The following PROSER3 variants were observed in gnomAD, a reference collection of about 807,000 sequenced individuals.
The protein encoded by PROSER3 is proline and serine-rich protein 3.
PROSER3 carries 33 observed loss-of-function variants against 50.2 expected under a neutral mutation model. The observed-to-expected ratio is 0.66, with a 90% confidence interval of 0.50 to 0.88. The LOEUF (loss-of-function observed/expected upper bound fraction) is 0.88. Ranked by LOEUF, PROSER3 falls within the 40% of genes least tolerant of loss-of-function variation. PROSER3 has a pLI of 0.00. For synonymous variants in PROSER3, 266 were observed against 259.3 expected (o/e 1.03, Z -0.25); for missense variants, 623 against 612.7 (o/e 1.02, Z -0.18).
At chr19:35,759,085 A>C in intron 1 of PROSER3, 2 of 326,968 alleles carry the variant, frequency 6.1e-6, no homozygotes, top group Non-Finnish European at 1.1e-5. Flanking sequence ...TGGAATGGGA[A>C]CCGCGCGCCT....
chr19:35,763,788 G>A (rs899809733), intron 5 of PROSER3, among the ~76,000 whole-genome samples: 8 of 148,460 alleles, frequency 5.4e-5, no homozygotes, highest in African/African-American at 1.5e-4. Flanking sequence ...TTACAGGCAT[G>A]AGCCACCGCG....
exon 7 of PROSER3, chr19:35,765,098 A>G (rs752267918): frequency 1.2e-6 from 2 of 1,612,096 alleles, no homozygotes; most frequent in African/African-American, 1.3e-5. Flanking sequence ...CTCATTCCCC[A>G]CCAGCTCTGA....
At chr19:35,765,200 G>T in intron 7 of PROSER3, 24 bp downstream of exon 7, 22 of 1,608,748 alleles carry the variant, frequency 1.4e-5, no homozygotes, top group Non-Finnish European at 1.8e-5. Context: ...GGCAAAGACT[G>T]AGGGCAGCCT....
At chr19:35,763,387 G>C (rs1336634993) in intron 5 of PROSER3, among the ~76,000 whole-genome samples, 7 of 150,976 alleles carry the variant, frequency 4.6e-5, no homozygotes, top group Admixed American at 6.6e-5. Flanking sequence ...TATTTTTTTA[G>C]TAGAGATGGG....
At chr19:35,765,868 C>G (rs2146612366) in intron 7 of PROSER3, among the ~76,000 whole-genome samples, 1 of 152,132 alleles carries the variant, frequency 6.6e-6, no homozygotes, top group South Asian at 2.1e-4. Context: ...AATAGGGAAG[C>G]CAGGGAAGGT....
exon 1 of PROSER3, chr19:35,758,176 G>A (rs1970828414): frequency 7.7e-6 from 12 of 1,552,450 alleles, no homozygotes; most frequent in Non-Finnish European, 1.0e-5. Flanking sequence ...CCTGTTGGGT[G>A]AAGGAGCAGA....
chr19:35,762,217 C>A, intron 4 of PROSER3, 36 bp from the exon 5 acceptor site: 1 of 1,599,670 alleles, frequency 6.3e-7, no homozygotes. Context: ...AGCAGCCACT[C>A]CTCCTGGCCC....
exon 9 of PROSER3, chr19:35,768,011 G>A: frequency 6.3e-7 from 1 of 1,586,948 alleles, no homozygotes; most frequent in Non-Finnish European, 8.6e-7. Flanking sequence ...TGCTGACCAC[G>A]CCCCCTCGGA....
At chr19:35,767,738 G>T in intron 8 of PROSER3, 1 of 1,547,960 alleles carries the variant, frequency 6.5e-7, no homozygotes, top group Admixed American at 1.9e-5. Flanking sequence ...ATCTCCGAAA[G>T]TCCAGGCCAC....
intron 7 of PROSER3, 125 bp downstream of exon 7, chr19:35,765,301 C>T: frequency 2.4e-6 from 3 of 1,243,540 alleles, no homozygotes; most frequent in Non-Finnish European, 3.3e-6. Context: ...GGGATAAGGC[C>T]AGATGAGGTG....
chr19:35,760,095 T>C (rs1309446666), intron 3 of PROSER3, 104 bp downstream of exon 3: 1 of 1,233,156 alleles, frequency 8.1e-7, no homozygotes, highest in Non-Finnish European at 1.1e-6. Flanking sequence ...GCAGCACTCT[T>C]TTAGGACCAG....
chr19:35,765,866 A>C lies in PROSER3; in HGVS notation c.769+690A>C, dbSNP rs143234235. 3.4e-3 allele frequency among the ~76,000 whole-genome samples: 513 copies of C among 152,270 alleles called. 8 individuals are homozygous for C. Among genetic ancestry groups the C allele is most frequent in the African/African-American group, 0.012 (496 of 41,558 alleles). On this transcript the variant is annotated intron_variant, in intron 7 of 10. Coordinates refer to ENST00000396908, the Ensembl canonical transcript of PROSER3. ...TGGTTGTTGCAGTTTTGAATAGGGA[A>C]GCCAGGGAAGGTGACCAAGATCTGA...
intron 3 of PROSER3, 42 bp from the exon 4 acceptor site, chr19:35,761,977 C>A: frequency 1.3e-6 from 2 of 1,535,042 alleles, no homozygotes; most frequent in South Asian, 1.3e-5. Context: ...TATTATTTGG[C>A]TCTCCTCACT....
intron 1 of PROSER3, chr19:35,758,937 G>A (rs952054894): frequency 6.2e-6 from 1 of 162,030 alleles, no homozygotes; most frequent in Non-Finnish European, 1.4e-5. Flanking sequence ...ATCCCAAAGT[G>A]CTGGGATTAC....
intron 1 of PROSER3, 87 bp downstream of exon 1, chr19:35,758,313 G>A (rs1410533199): frequency 3.8e-5 from 55 of 1,459,290 alleles, no homozygotes; most frequent in Admixed American, 7.8e-5. Flanking sequence ...GCTGGATACG[G>A]TCTGGAGTCG....
chr19:35,763,005 C>G (rs1194193258), intron 5 of PROSER3: 2 of 149,632 alleles, frequency 1.3e-5, no homozygotes, highest in East Asian at 3.9e-4. Flanking sequence ...GCACTCCAGC[C>G]TGGCGACAGC....
At chr19:35,763,664 C>T (rs1171987365) in intron 5 of PROSER3, among the ~76,000 whole-genome samples, 10 of 151,452 alleles carry the variant, frequency 6.6e-5, no homozygotes, top group African/African-American at 2.4e-4. Flanking sequence ...CCACCACGCC[C>T]GGCTAATTTT....
chr19:35,758,241 T>G lies in PROSER3; in HGVS notation c.11+15T>G, dbSNP rs1294565956. The stretch of plus-strand genomic sequence containing the variant: ...ATGGACCGCAGGTGAGGCCGATCGC[T>G]CTTCCAGGGACTACAGGAGGCTGGG... On this transcript the variant is annotated intron_variant, in intron 1 of 10. Coordinates refer to ENST00000396908, the Ensembl canonical transcript of PROSER3. 4 of 1,562,206 alleles carry G rather than the reference T, an allele frequency of 2.6e-6. No individual in the cohort carries two copies. In the Admixed American group the frequency reaches 5.8e-5, roughly 22 times the overall value.
exon 6 of PROSER3, chr19:35,764,928 C>G: frequency 1.2e-6 from 2 of 1,613,714 alleles, no homozygotes; most frequent in Non-Finnish European, 1.7e-6. Flanking sequence ...CCAGGCTGCT[C>G]AAACGCAGGT....
Sources: allele counts gnomAD v4.1 joint callset (sites outside exome capture counted in the v4.1 genomes callset), GRCh38; gene constraint gnomAD v4.1.1; transcripts MANE v1.5; gene names NCBI Gene and HGNC (gene_info 2026-07-23, HGNC 2026-07-21).